SEPTIN8: variants seen among roughly 807,000 people sequenced by gnomAD.
SEPTIN8 encodes the protein septin-8.
SEPTIN8 carries 22 observed loss-of-function variants against 53.1 expected under a neutral mutation model. That is an observed-to-expected ratio of 0.41 (90% CI 0.30 to 0.59). The LOEUF (loss-of-function observed/expected upper bound fraction) is 0.59. SEPTIN8 is among the 20% of genes least tolerant of loss of function. The pLI is 0.24. For synonymous variants in SEPTIN8, 228 were observed against 248.4 expected (o/e 0.92, Z 0.77); for missense variants, 536 against 638.7 (o/e 0.84, Z 1.73).
intron 1 of SEPTIN8, among the ~76,000 whole-genome samples, chr5:132,767,533 A>C (rs745428466): frequency 1.3e-5 from 2 of 152,056 alleles, no homozygotes; most frequent in Non-Finnish European, 2.9e-5. Flanking sequence ...CACCTATTCT[A>C]TAAGCTTCTA....
At chr5:132,775,583 G>A (rs1055675395) in intron 1 of SEPTIN8, among the ~76,000 whole-genome samples, 1 of 152,168 alleles carries the variant, frequency 6.6e-6, no homozygotes, top group African/African-American at 2.4e-5. Flanking sequence ...TTCCTATCAG[G>A]CTGTCTGATT....
At chr5:132,775,101 G>A (rs1257008828) in intron 1 of SEPTIN8, among the ~76,000 whole-genome samples, 1 of 152,112 alleles carries the variant, frequency 6.6e-6, no homozygotes, top group Non-Finnish European at 1.5e-5. Context: ...AAGGCCCTGC[G>A]CTCAGGCTCT....
intron 9 of SEPTIN8, chr5:132,758,087 C>T (rs948627059): frequency 1.7e-5 from 17 of 1,001,334 alleles, no homozygotes; most frequent in South Asian, 4.4e-5. Context: ...ACAGTAAAAA[C>T]GCTGGACATG....
At chr5:132,775,108 C>A (rs1183691230) in intron 1 of SEPTIN8, among the ~76,000 whole-genome samples, 1 of 152,198 alleles carries the variant, frequency 6.6e-6, no homozygotes, top group Non-Finnish European at 1.5e-5. Flanking sequence ...TGCGCTCAGG[C>A]TCTACGCCCT....
At chr5:132,766,138 TA>T (rs1296803620) in intron 1 of SEPTIN8, among the ~76,000 whole-genome samples, 1 of 152,188 alleles carries the variant, frequency 6.6e-6, no homozygotes, top group African/African-American at 2.4e-5. Flanking sequence ...TGGACCCTGC[TA>T]AAGGAGCCGG....
At chr5:132,778,239 C>G (rs1385331347), upstream of SEPTIN8, 1 of 299,174 alleles carries the variant, frequency 3.3e-6, no homozygotes, top group Non-Finnish European at 4.9e-6. Context: ...CCCCTACCCC[C>G]CACTGGCCTC....
chr5:132,774,772 G>A (rs1323543575), intron 1 of SEPTIN8, among the ~76,000 whole-genome samples: 2 of 152,176 alleles, frequency 1.3e-5, no homozygotes, highest in Non-Finnish European at 2.9e-5. Context: ...GACCTGTCAT[G>A]GCTCCATCAC....
intron 9 of SEPTIN8, chr5:132,758,037 G>A (rs1755504610): frequency 5.0e-6 from 5 of 992,450 alleles, no homozygotes; most frequent in Non-Finnish European, 6.0e-6. Flanking sequence ...CACCTCTGGG[G>A]CACAGACAAC....
At chr5:132,763,983 C>T (rs1028106911) in intron 3 of SEPTIN8, 91 bp from the exon 4 acceptor site, 26 of 1,317,120 alleles carry the variant, frequency 2.0e-5, no homozygotes, top group Non-Finnish European at 2.7e-5. Flanking sequence ...AGCCAGGCTG[C>T]CCCCTGGCCT....
intron 1 of SEPTIN8, 114 bp from the exon 2 acceptor site, chr5:132,765,643 A>G (rs1470144366): frequency 7.8e-6 from 10 of 1,274,150 alleles, no homozygotes; most frequent in Admixed American, 2.4e-5. Flanking sequence ...CGATGTCTGA[A>G]TTCTCAACAA....
rs188476415 is a variant in SEPTIN8 at position 132,763,687 on chromosome 5, C to T, written c.534+19G>A. ...CAGAAGACTATGGAGCCTGTGACAG[C>T]AGGTGGGGACAGGGATACCTTGCTG... On this transcript the variant is annotated intron_variant, in intron 4 of 9. Transcript: ENST00000378719. The T allele has an allele frequency of 1.9e-6, 3 of 1,608,426 alleles. No individual in the cohort carries two copies. The highest frequency in any genetic ancestry group is 4.5e-5 in the East Asian group (2 of 44,824).
intron 1 of SEPTIN8, among the ~76,000 whole-genome samples, chr5:132,770,093 ATATATATGTATATATG>A (rs1363773886): frequency 3.4e-5 from 1 of 29,838 alleles, no homozygotes; most frequent in Non-Finnish European, 5.0e-5. Context: ...ATATATGTAT[ATATATATGTATATATG>A]TATATATATA....
Position 132,752,168 on chromosome 5 carries a change from C to T in SEPTIN8, c.1300G>A (p.Gly434Arg), listed in dbSNP as rs1454744552. The T allele has an allele frequency of 6.3e-7, 1 of 1,586,032 alleles. No homozygotes were observed. Among genetic ancestry groups the T allele is most frequent in the Non-Finnish European group, 8.6e-7 (1 of 1,164,914 alleles). ...AGGCTCATGCCCGGCTGGTGTGCTC[C>T]TATATCTGATCTGCTAAAGAAAGCA... ...DKDKKNRSDIGAHQPGMSLSS... is the reference protein window; with the variant it reads ...DKDKKNRSDIRAHQPGMSLSS... The change falls in exon 10 of 10, where the codon GGA becomes AGA. Residue 434 changes from glycine to arginine, a missense_variant. Coordinates refer to ENST00000378719, the MANE Select transcript of SEPTIN8 (RefSeq NM_001098811.2).
chr5:132,778,224 T>C, upstream of SEPTIN8: 1 of 432,486 alleles, frequency 2.3e-6, no homozygotes, highest in Non-Finnish European at 3.1e-6. Flanking sequence ...TGTGGCAAGG[T>C]TTGCCCCCTA....
intron 9 of SEPTIN8, chr5:132,752,802 A>G (rs1259921942): frequency 7.0e-7 from 1 of 1,436,102 alleles, no homozygotes; most frequent in Non-Finnish European, 9.7e-7. Context: ...TTTGGCACTC[A>G]ATTGCCAATT....
At chr5:132,754,981 C>T (rs1755201043) in intron 9 of SEPTIN8, among the ~76,000 whole-genome samples, 1 of 152,142 alleles carries the variant, frequency 6.6e-6, no homozygotes. Context: ...TAAACTTGTC[C>T]AAACAGTACT....
chr5:132,756,799 G>A (rs1038234898), intron 9 of SEPTIN8: 36 of 985,290 alleles, frequency 3.7e-5, no homozygotes, highest in Admixed American at 6.1e-5. Context: ...GGTGCGACCC[G>A]CAGGCCACAA....
At chr5:132,755,313 C>T (rs1210899474) in intron 9 of SEPTIN8, among the ~76,000 whole-genome samples, 1 of 152,200 alleles carries the variant, frequency 6.6e-6, no homozygotes, top group Non-Finnish European at 1.5e-5. Context: ...GCCACTTTTG[C>T]CTGTCCCCTA....
Position 132,757,521 on chromosome 5 carries a change from A to G in SEPTIN8, c.1286+3281T>C, listed in dbSNP as rs1464640755. ...AAAGCAAACTACCAATTCCACAATA[A>G]ATTAGCACGTCTTCCTGAGGCTTCC... is the stretch of plus-strand genomic sequence containing the variant. On this transcript the variant is annotated intron_variant, in intron 9 of 9. Coordinates refer to ENST00000378719, the MANE Select transcript of SEPTIN8 (RefSeq NM_001098811.2). 2.9e-5 allele frequency: 29 copies of G among 985,398 alleles called. 1 individual carries two copies. In the Admixed American group the frequency reaches 1.8e-3, roughly 61 times the overall value. 61.0% of individuals were successfully genotyped at this position (985,398 alleles called of 1,614,324 possible).
Sources: gnomAD v4.1 joint callset for allele counts (sites outside exome capture counted in the v4.1 genomes callset) on GRCh38, gnomAD v4.1.1 for gene constraint, MANE v1.5 for transcripts, NCBI Gene and HGNC (gene_info 2026-07-23, HGNC 2026-07-21) for gene names.